The following GCN1 variants were observed in gnomAD, a reference collection of about 807,000 sequenced individuals.
The protein encoded by GCN1 is stalled ribosome sensor GCN1.
Under a neutral mutation model 288.4 loss-of-function variants are expected in GCN1, and 90 were observed. That is an observed-to-expected ratio of 0.31 (90% CI 0.26 to 0.37). GCN1 has a LOEUF of 0.37. Among genes scored for constraint, GCN1 ranks in the 10% least tolerant of loss-of-function variants. GCN1 has a pLI of 1.00. For synonymous variants in GCN1, 1,386 were observed against 1,420.2 expected, an observed-to-expected ratio of 0.98 and a Z score of 0.54; for missense variants, 2,586 against 3,419.9, an observed-to-expected ratio of 0.76 and a Z score of 6.08.
At position 120,177,808 on chromosome 12, in the gene GCN1, G is replaced by A. The variant is rs539073537; in HGVS notation, c.661-56C>T. ...GACATTCTCAAGTATCTCATCACTGGCCTAAGGGGTCCCTCTTGTGAGAGT... is the reference window on the plus strand; with the variant it reads ...GACATTCTCAAGTATCTCATCACTGACCTAAGGGGTCCCTCTTGTGAGAGT... On this transcript the variant is annotated intron_variant, in intron 7 of 57. Coordinates refer to ENST00000300648, the MANE Select transcript of GCN1 (RefSeq NM_006836.2). 1.3e-5 allele frequency: 16 copies of A among 1,244,220 alleles called. No homozygotes were observed. The South Asian group carries it at 1.4e-4, about 11-fold the overall frequency. 77.1% of individuals were successfully genotyped at this position (1,244,220 alleles called of 1,614,324 possible).
At chr12:120,150,176 T>A in intron 34 of GCN1, 133 bp from the exon 35 acceptor site, 2 of 809,434 alleles carry the variant, frequency 2.5e-6, no homozygotes, top group Non-Finnish European at 3.8e-6. Context: ...GTGGAACTAG[T>A]AGATGCCCCA....
In GCN1 at chr12:120,161,827, G is replaced by C. The variant is rs534116850; in HGVS notation, c.2342+53C>G. 382 of 1,560,192 alleles carry C rather than the reference G, an allele frequency of 2.4e-4. 2 individuals carry two copies. In the South Asian group the frequency reaches 4.1e-3, roughly 17 times the overall value. ...GGCACTGGCTCCATTCTACACACAA[G>C]AAAACTATGCCTTGGGGAGCAAAGG... On this transcript the variant is annotated intron_variant, in intron 21 of 57. Transcript: ENST00000300648.
In GCN1 at chr12:120,176,131, T is replaced by C. The variant is rs754842868; in HGVS notation, c.913+12A>G. The C allele has an allele frequency of 1.9e-6, 3 of 1,586,550 alleles. No homozygotes were observed. The highest frequency in any genetic ancestry group is 2.6e-6 in the Non-Finnish European group (3 of 1,154,854). On this transcript the variant is annotated intron_variant, in intron 10 of 57. Transcript: ENST00000300648. ...TGACACTTATGGGCTGGAGAGGGGC[T>C]GGGATACTCACCAGCCAGTCCTTTC... is the stretch of plus-strand genomic sequence containing the variant.
At chr12:120,184,936 A>T in intron 2 of GCN1, 49 bp from the exon 3 acceptor site, 1 of 1,253,582 alleles carries the variant, frequency 8.0e-7, no homozygotes, top group Non-Finnish European at 1.2e-6. Context: ...TCACTTGGTA[A>T]GCCGCTGGAG....
intron 39 of GCN1, 63 bp from the exon 40 acceptor site, chr12:120,145,124 T>C: frequency 4.4e-6 from 7 of 1,604,654 alleles, no homozygotes; most frequent in Non-Finnish European, 5.1e-6. Context: ...GGTAGCCACA[T>C]GGGAGCAGGA....
chr12:120,187,174 G>A (rs1157948998), intron 2 of GCN1, among the ~76,000 whole-genome samples: 1 of 151,850 alleles, frequency 6.6e-6, no homozygotes, highest in Non-Finnish European at 1.5e-5. Flanking sequence ...AAGTAAAAGT[G>A]GACAGAAAGG....
chr12:120,188,916 A>G (rs2136119269), intron 2 of GCN1, among the ~76,000 whole-genome samples: 1 of 152,312 alleles, frequency 6.6e-6, no homozygotes, highest in South Asian at 2.1e-4. Context: ...TCTTTTTTAA[A>G]TATTTCCAAA....
chr12:120,155,630 C>T lies in GCN1; in HGVS notation c.3402G>A (p.Lys1134=), dbSNP rs1295316908. ...LNLLRRLWVV[K]FDKEEEIRKL... is the part of the protein sequence containing the mutation. The stretch of plus-strand genomic sequence containing the variant: ...TCCGGATCTCCTCCTCCTTGTCAAA[C>T]TTGACCACCCAGAGTCTCCGCAGAA... The change falls in exon 29 of 58, where the codon AAG becomes AAA. Residue 1134 remains lysine, a synonymous_variant. Transcript: ENST00000300648. The surrounding 1 kb of genome is among the most constrained non-coding windows in gnomAD (Gnocchi z 4.9). 1 of 1,614,050 alleles carries T rather than the reference C, an allele frequency of 6.2e-7. No homozygotes were observed. Among genetic ancestry groups the T allele is most frequent in the South Asian group, 1.1e-5 (1 of 91,084 alleles).
rs777763352 is a variant in GCN1 at position 120,163,066 on chromosome 12, G to A, written c.2038+4C>T. On this transcript the variant is annotated splice_donor_region_variant and intron_variant, in intron 19 of 57. Coordinates refer to ENST00000300648, the MANE Select transcript of GCN1 (RefSeq NM_006836.2). ...GCTCTCCCACACCCACCGCAGCCAC[G>A]GACCTAAGGATGGGTGGTGGGAGAT... The A allele has an allele frequency of 4.2e-5, 67 of 1,613,632 alleles. 1 individual carries two copies. In the Middle Eastern group the frequency reaches 1.2e-3, roughly 28 times the overall value.
Position 120,175,167 on chromosome 12 carries a change from A to G in GCN1, c.1088T>C (p.Leu363Pro). Residue 363 changes from leucine (L) to proline (P), a missense_variant, in exon 12 of 58, where the codon CTC (leucine) becomes CCC (proline). Coordinates refer to ENST00000300648, the MANE Select transcript of GCN1 (RefSeq NM_006836.2). ...LTVVAQKMSV[L>P]SGIGSVSHHV... is the part of the protein sequence containing the mutation. ...AAAAAAAAGAAATCCTATACCTGAG[A>G]GGACGCTCATCTTCTGGGCTACAAC... 1 of 1,405,000 alleles carries G rather than the reference A, an allele frequency of 7.1e-7. No homozygotes were observed. The allele number at this position is 1,405,000 out of a possible 1,614,324, so 87.0% of individuals were successfully genotyped here.
intron 2 of GCN1, among the ~76,000 whole-genome samples, chr12:120,186,636 G>A (rs1343086832): frequency 1.3e-5 from 2 of 152,210 alleles, no homozygotes; most frequent in Non-Finnish European, 2.9e-5. Context: ...CCTGACCACT[G>A]CATTGGTCCA....
intron 2 of GCN1, among the ~76,000 whole-genome samples, chr12:120,190,095 G>A (rs933698625): frequency 2.6e-5 from 4 of 151,418 alleles, no homozygotes; most frequent in Admixed American, 1.3e-4. Context: ...CATGATATGG[G>A]CACCTGTAAT....
In GCN1 at chr12:120,177,484, C is replaced by G; in HGVS notation, c.801G>C (p.Gln267His). The part of the protein sequence containing the change: ...EFKDLILPTI[Q>H]KSLLRSPENV... Reference sequence around the variant, plus strand: ...TCTCTGGACTCCTCAGTAAGGACTTCTGTATGGTGGGCAGTATCAGATCCT... The same window carrying G: ...TCTCTGGACTCCTCAGTAAGGACTTGTGTATGGTGGGCAGTATCAGATCCT... The change falls in exon 9 of 58, where the codon CAG becomes CAC. Residue 267 changes from glutamine to histidine, a missense_variant. This residue lies in a region of GCN1 where 913 missense variants were observed against 1,107.0 expected (regional missense o/e 0.82). Transcript: ENST00000300648. 2.5e-6 allele frequency: 4 copies of G among 1,608,180 alleles called. No individual in the cohort carries two copies. The highest frequency in any genetic ancestry group is 3.4e-6 in the Non-Finnish European group (4 of 1,174,596).
chr12:120,144,247 A>T lies in GCN1; in HGVS notation c.5495+59T>A. On this transcript the variant is annotated intron_variant, in intron 42 of 57. Coordinates refer to ENST00000300648, the MANE Select transcript of GCN1 (RefSeq NM_006836.2). The surrounding 1 kb of genome is among the most constrained non-coding windows in gnomAD (Gnocchi z 4.7). ...TGCCTCGGCTTTCCAGAGTGCTCGG[A>T]TTATAGGCATGAGCCACCACGCATC... 3 of 1,594,436 alleles carry T rather than the reference A, an allele frequency of 1.9e-6. No individual in the cohort carries two copies. Among genetic ancestry groups the T allele is most frequent in the Non-Finnish European group, 1.7e-6 (2 of 1,162,514 alleles).
chr12:120,165,573 T>C (rs940735828), intron 16 of GCN1, among the ~76,000 whole-genome samples: 3 of 152,148 alleles, frequency 2.0e-5, no homozygotes, highest in African/African-American at 7.2e-5. Context: ...GTTCAACTAA[T>C]TCTCCTGCCT....
At chr12:120,129,584 C>T in intron 56 of GCN1, 90 bp from the exon 57 acceptor site, 1 of 947,492 alleles carries the variant, frequency 1.1e-6, no homozygotes, top group Non-Finnish European at 1.7e-6. Context: ...ACTCTCCCTA[C>T]AGCATGAACA....
chr12:120,158,079 G>T lies in GCN1; in HGVS notation c.2906-49C>A. ...GATTCTGCAGGCAGGGCAGGGACCC[G>T]GGCCACTGCTGCCTATTTCTATCCT... On this transcript the variant is annotated intron_variant, in intron 25 of 57. Coordinates refer to ENST00000300648, the MANE Select transcript of GCN1 (RefSeq NM_006836.2). The surrounding 1 kb of genome is among the most constrained non-coding windows in gnomAD (Gnocchi z 4.3). 6.4e-7 allele frequency: 1 copy of T among 1,567,278 alleles called. No homozygotes were observed. Among genetic ancestry groups the T allele is most frequent in the Non-Finnish European group, 8.7e-7 (1 of 1,143,136 alleles).
intron 38 of GCN1, 137 bp downstream of exon 38, chr12:120,146,915 G>A: frequency 2.0e-6 from 1 of 497,180 alleles, no homozygotes; most frequent in Non-Finnish European, 3.5e-6. Flanking sequence ...ACCACAAAAT[G>A]GCTCATTTCT....
chr12:120,151,010 C>T (rs903860139), intron 34 of GCN1, 135 bp downstream of exon 34: 14 of 923,176 alleles, frequency 1.5e-5, no homozygotes, highest in Non-Finnish European at 1.7e-5. Context: ...TGGACTGGGT[C>T]GCACACAGCG....
Sources: allele counts gnomAD v4.1 joint callset (sites outside exome capture counted in the v4.1 genomes callset), GRCh38; gene constraint gnomAD v4.1.1; regional missense constraint gnomAD v4.1.1; non-coding constraint Gnocchi (gnomAD v3.1); transcripts MANE v1.5; gene names NCBI Gene and HGNC (gene_info 2026-07-23, HGNC 2026-07-21).